The following KLF12 variants were observed in gnomAD, a reference collection of about 807,000 sequenced individuals.
The protein encoded by KLF12 is Krueppel-like factor 12.
A neutral mutation model predicts 37.8 loss-of-function variants in KLF12; 9 were observed. That is an observed-to-expected ratio of 0.24 (90% CI 0.14 to 0.42). The LOEUF is 0.42. Ranked by LOEUF, KLF12 falls within the 10% of genes least tolerant of loss-of-function variation. The probability of loss-of-function intolerance (pLI) is 1.00; values close to 1 mark genes in which losing one functional copy is unlikely to be tolerated. For missense variants in KLF12, 411 were observed against 516.0 expected (o/e 0.80, Z 1.97); for synonymous variants, 208 against 202.1 (o/e 1.03, Z -0.25).
chr13:74,255,000 G>A, the KLF12 span, among the ~76,000 whole-genome samples: 1 of 152,124 alleles, frequency 6.6e-6, no homozygotes, highest in Non-Finnish European at 1.5e-5. Flanking sequence ...AGATTGACAG[G>A]AATTAGAAGA....
At chr13:73,819,306 A>T (rs1594128683) in intron 4 of KLF12, among the ~76,000 whole-genome samples, 1 of 152,304 alleles carries the variant, frequency 6.6e-6, no homozygotes, top group East Asian at 1.9e-4. Context: ...GGCTCTTAGT[A>T]GTCAATCATC....
chr13:73,769,230 T>C (rs1439334998), intron 5 of KLF12, among the ~76,000 whole-genome samples: 1 of 152,232 alleles, frequency 6.6e-6, no homozygotes, highest in East Asian at 1.9e-4. Flanking sequence ...CCATGCTTCC[T>C]CACATTCCAT....
At chr13:73,760,278 T>C (rs1255472595) in intron 6 of KLF12, among the ~76,000 whole-genome samples, 1 of 152,136 alleles carries the variant, frequency 6.6e-6, no homozygotes, top group African/African-American at 2.4e-5. Flanking sequence ...ATCCAATTGG[T>C]TAGAGAAAAC....
At chr13:73,933,608 G>A (rs1889786951) in intron 3 of KLF12, among the ~76,000 whole-genome samples, 1 of 152,120 alleles carries the variant, frequency 6.6e-6, no homozygotes, top group Non-Finnish European at 1.5e-5. Context: ...GAAGGATGCT[G>A]TCAAAGCCAA....
At chr13:74,206,767 T>C in the KLF12 span, among the ~76,000 whole-genome samples, 2 of 152,224 alleles carry the variant, frequency 1.3e-5, no homozygotes, top group Non-Finnish European at 2.9e-5. Flanking sequence ...AAATGAAATA[T>C]AACATGACAC....
the KLF12 span, among the ~76,000 whole-genome samples, chr13:74,287,546 G>GA: frequency 6.6e-6 from 1 of 152,096 alleles, no homozygotes; most frequent in South Asian, 2.1e-4. Context: ...GAACATATTG[G>GA]TTTATCTTAC....
the KLF12 span, among the ~76,000 whole-genome samples, chr13:74,230,343 C>T: frequency 2.6e-5 from 4 of 152,180 alleles, no homozygotes; most frequent in Non-Finnish European, 4.4e-5. Context: ...AACCTCTTTC[C>T]TTTACAAACT....
chr13:74,278,697 C>A, the KLF12 span, among the ~76,000 whole-genome samples: 1 of 152,176 alleles, frequency 6.6e-6, no homozygotes, highest in African/African-American at 2.4e-5. Context: ...CTTTTCTCAC[C>A]TTTTCCTAAC....
intron 5 of KLF12, among the ~76,000 whole-genome samples, chr13:73,802,685 T>C (rs1262119683): frequency 1.3e-5 from 2 of 152,162 alleles, no homozygotes; most frequent in East Asian, 3.8e-4. Context: ...GAGTACCCAC[T>C]ATGTAGCACC....
chr13:74,246,572 T>C, the KLF12 span, among the ~76,000 whole-genome samples: 1 of 152,234 alleles, frequency 6.6e-6, no homozygotes, highest in South Asian at 2.1e-4. Context: ...ACTGGCTTGG[T>C]GGGTGGAAAA....
intron 3 of KLF12, among the ~76,000 whole-genome samples, chr13:73,914,594 C>G (rs559868781): frequency 6.6e-5 from 10 of 152,130 alleles, no homozygotes; most frequent in Non-Finnish European, 1.0e-4. Flanking sequence ...CAAATTTAAA[C>G]AAGGTTGGAG....
the KLF12 span, chr13:74,258,729 AT>A: frequency 6.6e-6 from 1 of 152,160 alleles, no homozygotes; most frequent in Non-Finnish European, 1.5e-5. Context: ...ACGAGGGAAT[AT>A]CTCTTTATCG....
chr13:74,014,431 G>A (rs1327483243), intron 1 of KLF12, among the ~76,000 whole-genome samples: 1 of 152,122 alleles, frequency 6.6e-6, no homozygotes, highest in Non-Finnish European at 1.5e-5. Flanking sequence ...TGTAGTTTAG[G>A]GTACTAAGGC....
chr13:73,764,908 A>G (rs755600224), intron 6 of KLF12, 30 bp downstream of exon 6: 3 of 1,304,696 alleles, frequency 2.3e-6, no homozygotes, highest in Admixed American at 3.7e-5. Context: ...CGTAAGACCT[A>G]CAAATACTCA....
At chr13:74,153,531 C>G in the KLF12 span, among the ~76,000 whole-genome samples, 38 of 152,242 alleles carry the variant, frequency 2.5e-4, 1 homozygote, top group Admixed American at 2.4e-3. Context: ...TTTCATCTTC[C>G]TTGTTCCAAA....
chr13:74,171,709 C>G, the KLF12 span, among the ~76,000 whole-genome samples: 1 of 152,120 alleles, frequency 6.6e-6, no homozygotes, highest in Non-Finnish European at 1.5e-5. Flanking sequence ...AAATTGTCTC[C>G]AGTAACTTCA....
chr13:73,740,734 G>A (rs1057030505), intron 6 of KLF12, among the ~76,000 whole-genome samples: 5 of 152,152 alleles, frequency 3.3e-5, no homozygotes, highest in Non-Finnish European at 7.3e-5. Context: ...CAAGAAGCAG[G>A]AATCAGGGAA....
At chr13:73,784,789 C>T (rs945246242) in intron 5 of KLF12, among the ~76,000 whole-genome samples, 4 of 151,968 alleles carry the variant, frequency 2.6e-5, no homozygotes, top group Non-Finnish European at 4.4e-5. Flanking sequence ...CCCCACCATG[C>T]CCGGCTAGTT....
the KLF12 span, among the ~76,000 whole-genome samples, chr13:74,141,641 C>T: frequency 3.3e-5 from 5 of 152,152 alleles, no homozygotes; most frequent in Non-Finnish European, 7.4e-5. Context: ...TTCCTGCTCC[C>T]TTTCTTAAAT....
Sources: gnomAD v4.1 joint callset for allele counts (sites outside exome capture counted in the v4.1 genomes callset) on GRCh38, gnomAD v4.1.1 for gene constraint, MANE v1.5 for transcripts, NCBI Gene and HGNC (gene_info 2026-07-23, HGNC 2026-07-21) for gene names.